The following DNAI4 variants were observed in gnomAD, a reference collection of about 807,000 sequenced individuals.
DNAI4 encodes WD repeat domain 78.
In DNAI4, 85 loss-of-function variants were observed where a neutral mutation model predicts 105.8. That is an observed-to-expected ratio of 0.80 (90% CI 0.67 to 0.96). The LOEUF (loss-of-function observed/expected upper bound fraction) is 0.96, where lower values mean the gene tolerates loss of function less well. Among genes scored for constraint, DNAI4 ranks in the 40% least tolerant of loss-of-function variants. DNAI4 has a pLI of 0.00. For synonymous variants in DNAI4, 352 were observed against 331.5 expected (o/e 1.06, Z -0.67); for missense variants, 1,014 against 1,005.6 (o/e 1.01, Z -0.11).
In DNAI4 at chr1:66,863,227, G is replaced by A. The variant is rs549091910; in HGVS notation, c.941-925C>T. Among the ~76,000 whole-genome samples, 45 of 152,184 alleles carry A rather than the reference G, an allele frequency of 3.0e-4. 1 individual carries two copies. The South Asian group carries it at 7.3e-3, about 25-fold the overall frequency. On this transcript the variant is annotated intron_variant, in intron 6 of 16. Coordinates refer to ENST00000371026, the MANE Select transcript of DNAI4 (RefSeq NM_024763.5). ...TTTATGCAGCAATTATTTTATCAGC[G>A]ATCATGTAACAATATATTTGTACAT...
At chr1:66,850,808 T>C (rs1001275723) in intron 7 of DNAI4, among the ~76,000 whole-genome samples, 1 of 151,810 alleles carries the variant, frequency 6.6e-6, no homozygotes, top group Non-Finnish European at 1.5e-5. Flanking sequence ...GTATGCATAA[T>C]GGAATATGTA....
intron 4 of DNAI4, among the ~76,000 whole-genome samples, chr1:66,875,421 A>T (rs1646939771): frequency 6.6e-6 from 1 of 152,138 alleles, no homozygotes; most frequent in African/African-American, 2.4e-5. Context: ...CATCTTCACC[A>T]GGGGTAAAGA....
At chr1:66,874,042 C>A (rs1215100834) in intron 5 of DNAI4, among the ~76,000 whole-genome samples, 1 of 151,578 alleles carries the variant, frequency 6.6e-6, no homozygotes, top group East Asian at 1.9e-4. Flanking sequence ...TACTATAAAT[C>A]CTATTCAAAT....
chr1:66,871,033 A>G, intron 6 of DNAI4: 1 of 231,506 alleles, frequency 4.3e-6, no homozygotes, highest in Non-Finnish European at 8.2e-6. Flanking sequence ...TGTGAAGGAC[A>G]TAGTGTCTGA....
In DNAI4 at chr1:66,840,789, T is replaced by G; in HGVS notation, c.1292-118A>C. On this transcript the variant is annotated intron_variant, in intron 8 of 16. Transcript: ENST00000371026. ...TTCAAGCACCATCAGATCTGCTGGATCATATGGTGCAAGTGGCAGGGCACC... is the reference window on the plus strand; with the variant it reads ...TTCAAGCACCATCAGATCTGCTGGAGCATATGGTGCAAGTGGCAGGGCACC... 1.9e-6 allele frequency: 2 copies of G among 1,068,166 alleles called. 1 individual carries two copies. Among genetic ancestry groups the G allele is most frequent in the South Asian group, 2.9e-5 (2 of 68,410 alleles). 66.2% of individuals were successfully genotyped at this position (1,068,166 alleles called of 1,614,324 possible).
chr1:66,847,335 C>T, intron 8 of DNAI4, 149 bp downstream of exon 8: 2 of 640,790 alleles, frequency 3.1e-6, no homozygotes, highest in South Asian at 2.3e-5. Flanking sequence ...GCTCTGTCAC[C>T]CAGGCTGGAG....
intron 4 of DNAI4, among the ~76,000 whole-genome samples, chr1:66,881,872 T>G (rs1161543612): frequency 6.6e-6 from 1 of 152,224 alleles, no homozygotes. Flanking sequence ...TTCCATGTCA[T>G]GAGAGGAACC....
chr1:66,892,950 GAAGA>G (rs71058479), intron 3 of DNAI4, among the ~76,000 whole-genome samples: 11,330 of 91,834 alleles, frequency 0.12, 735 homozygotes, highest in Admixed American at 0.17. Flanking sequence ...AGAAGAAAGA[GAAGA>G]AAGAAAGAAA....
At chr1:66,850,142 CAAA>C (rs34423900) in intron 7 of DNAI4, among the ~76,000 whole-genome samples, 65 of 129,434 alleles carry the variant, frequency 5.0e-4, no homozygotes, top group South Asian at 1.0e-3. Context: ...AACAGAAGAC[CAAA>C]AAAAAAAAAA....
chr1:66,908,205 G>T (rs1227059934), intron 1 of DNAI4, among the ~76,000 whole-genome samples: 1 of 152,090 alleles, frequency 6.6e-6, no homozygotes, highest in Non-Finnish European at 1.5e-5. Flanking sequence ...TGACCTACAT[G>T]CATGGGTCAA....
intron 16 of DNAI4, among the ~76,000 whole-genome samples, chr1:66,818,109 A>T (rs1240671168): frequency 6.6e-6 from 1 of 151,942 alleles, no homozygotes; most frequent in African/African-American, 2.4e-5. Flanking sequence ...TAATATTTTA[A>T]ATATTCATTA....
At chr1:66,857,266 C>A (rs1229289268) in intron 7 of DNAI4, among the ~76,000 whole-genome samples, 1 of 138,240 alleles carries the variant, frequency 7.2e-6, no homozygotes, top group Non-Finnish European at 1.5e-5. Flanking sequence ...TGTTCTCACT[C>A]ATAGGTGGGA....
intron 2 of DNAI4, among the ~76,000 whole-genome samples, chr1:66,899,474 T>G (rs1445040178): frequency 6.6e-6 from 1 of 152,234 alleles, no homozygotes; most frequent in Non-Finnish European, 1.5e-5. Context: ...TCTTTATATA[T>G]GATAAAAGCT....
intron 6 of DNAI4, chr1:66,870,822 T>C (rs1646830719): frequency 7.2e-6 from 1 of 138,758 alleles, no homozygotes; most frequent in Non-Finnish European, 1.5e-5. Context: ...GGCTACACCC[T>C]ACAGATTTTG....
intron 6 of DNAI4, among the ~76,000 whole-genome samples, chr1:66,869,022 C>T (rs1450107094): frequency 1.3e-5 from 2 of 151,146 alleles, no homozygotes; most frequent in South Asian, 2.1e-4. Flanking sequence ...TGCAGTGAGC[C>T]GAGATTATAC....
intron 6 of DNAI4, 68 bp downstream of exon 6, chr1:66,871,302 T>C (rs1411183803): frequency 2.1e-6 from 3 of 1,399,978 alleles, no homozygotes; most frequent in Non-Finnish European, 2.9e-6. Context: ...TATTCACTTG[T>C]CGATTGACAG....
chr1:66,891,912 T>A (rs1267522311), intron 3 of DNAI4, among the ~76,000 whole-genome samples: 1 of 152,210 alleles, frequency 6.6e-6, no homozygotes, highest in Non-Finnish European at 1.5e-5. Context: ...TTTTCTTTTT[T>A]TAGTTCCTCA....
chr1:66,857,161 C>A (rs1399550980), intron 7 of DNAI4, among the ~76,000 whole-genome samples: 1 of 151,554 alleles, frequency 6.6e-6, no homozygotes, highest in Non-Finnish European at 1.5e-5. Flanking sequence ...ATTCCATGGA[C>A]CTAAGAGAAT....
At chr1:66,881,121 C>T (rs956527624) in intron 4 of DNAI4, among the ~76,000 whole-genome samples, 14 of 152,342 alleles carry the variant, frequency 9.2e-5, no homozygotes, top group East Asian at 5.8e-4. Flanking sequence ...TGTATGGTAA[C>T]GCCTGGATGC....
Sources: gnomAD v4.1 joint callset for allele counts (sites outside exome capture counted in the v4.1 genomes callset) on GRCh38, gnomAD v4.1.1 for gene constraint, MANE v1.5 for transcripts, NCBI Gene and HGNC (gene_info 2026-07-23, HGNC 2026-07-21) for gene names.